The following COP1 variants were observed in gnomAD, a reference collection of about 807,000 sequenced individuals.
The protein encoded by COP1 is E3 ubiquitin-protein ligase COP1.
In COP1, 24 loss-of-function variants were observed where a neutral mutation model predicts 101.3. The observed-to-expected ratio is 0.24, with a 90% CI of 0.17 to 0.33. The LOEUF is 0.33. COP1 is among the 10% of genes least tolerant of loss of function. COP1 has a pLI of 1.00. For missense variants in COP1, 663 were observed against 906.2 expected (o/e 0.73, Z 3.45); for synonymous variants, 347 against 341.9 (o/e 1.01, Z -0.17).
chr1:176,192,160 C>A (rs1699178823), intron 1 of COP1, among the ~76,000 whole-genome samples: 1 of 152,074 alleles, frequency 6.6e-6, no homozygotes, highest in African/African-American at 2.4e-5. Flanking sequence ...AGTATCTCTG[C>A]TGATTCCTCT....
intron 9 of COP1, among the ~76,000 whole-genome samples, chr1:176,104,198 G>A (rs971519956): frequency 4.6e-5 from 7 of 152,054 alleles, no homozygotes; most frequent in Non-Finnish European, 7.4e-5. Context: ...ACTCCAAATA[G>A]ATTGAGAATT....
At chr1:176,196,782 A>G (rs1395054586) in intron 1 of COP1, among the ~76,000 whole-genome samples, 1 of 151,992 alleles carries the variant, frequency 6.6e-6, no homozygotes, top group Non-Finnish European at 1.5e-5. Context: ...GTTCATGCCT[A>G]TAATCCCAGC....
At chr1:176,002,487 C>A (rs985993061) in intron 15 of COP1, among the ~76,000 whole-genome samples, 7 of 151,132 alleles carry the variant, frequency 4.6e-5, no homozygotes, top group African/African-American at 1.7e-4. Context: ...GTATATCTCC[C>A]AATGCTATCC....
intron 9 of COP1, among the ~76,000 whole-genome samples, chr1:176,095,513 C>T (rs1682179368): frequency 6.6e-6 from 1 of 152,098 alleles, no homozygotes; most frequent in South Asian, 2.1e-4. Flanking sequence ...AACCCTGTTT[C>T]TATAAAACAC....
intron 7 of COP1, 46 bp from the exon 8 acceptor site, chr1:176,135,132 GATATATAA>G: frequency 7.8e-7 from 1 of 1,278,120 alleles, no homozygotes; most frequent in Non-Finnish European, 1.1e-6. Context: ...TCAAATAGAA[GATATATAA>G]ATCAAAAAGA....
chr1:176,118,400 A>T (rs562195085), intron 8 of COP1, among the ~76,000 whole-genome samples: 14 of 152,290 alleles, frequency 9.2e-5, no homozygotes, highest in African/African-American at 3.4e-4. Flanking sequence ...TACACGAAAG[A>T]AAGAAGTTCT....
chr1:176,178,338 CA>C lies in COP1; in HGVS notation c.468-2332del, dbSNP rs11409695. On this transcript the variant is annotated intron_variant, in intron 2 of 19. Coordinates refer to ENST00000367669, the MANE Select transcript of COP1 (RefSeq NM_022457.7). ...GCAACATGGCAAAACTCTGTCTCTA[CA>C]AAAAAAAAAAAATAATAATAATAAA... 3.8e-3 allele frequency among the ~76,000 whole-genome samples: 427 copies of C among 111,488 alleles called. 6 individuals carry two copies. The highest frequency in any genetic ancestry group is 0.011 in the African/African-American group (384 of 35,126). The allele number at this position is 111,488 out of a possible 152,430, so 73.1% of individuals were successfully genotyped here. A position where few individuals can be genotyped will look rare whatever the true frequency, so the allele number is the denominator to read the frequency against.
chr1:176,174,007 A>AAAAAAAAAAAAG (rs1456552067), intron 3 of COP1, among the ~76,000 whole-genome samples: 2,446 of 121,124 alleles, frequency 0.02, 193 homozygotes, highest in Non-Finnish European at 0.028. Flanking sequence ...AAAAAAAAAA[A>AAAAAAAAAAAAG]AGAGAATATA....
intron 11 of COP1, among the ~76,000 whole-genome samples, chr1:176,072,476 C>T (rs758568309): frequency 5.3e-5 from 8 of 152,174 alleles, no homozygotes; most frequent in Non-Finnish European, 1.2e-4. Flanking sequence ...GGAAGGAAAT[C>T]CCTCCCTCTG....
At chr1:176,120,250 A>G (rs1433576532) in intron 8 of COP1, among the ~76,000 whole-genome samples, 2 of 151,984 alleles carry the variant, frequency 1.3e-5, no homozygotes, top group African/African-American at 2.4e-5. Flanking sequence ...GTGAAACCCC[A>G]ACTCTACAAA....
intron 5 of COP1, among the ~76,000 whole-genome samples, chr1:176,150,364 T>C (rs1280476437): frequency 1.3e-5 from 2 of 152,236 alleles, no homozygotes; most frequent in African/African-American, 2.4e-5. Flanking sequence ...TACAACTGAA[T>C]AAATTTCCAA....
chr1:176,109,604 T>G (rs1684938475), intron 9 of COP1, among the ~76,000 whole-genome samples: 1 of 152,170 alleles, frequency 6.6e-6, no homozygotes, highest in African/African-American at 2.4e-5. Context: ...TAAAAAAAAC[T>G]ACTGGGATTT....
chr1:176,018,205 T>A (rs1351213343), intron 15 of COP1, among the ~76,000 whole-genome samples: 1 of 152,214 alleles, frequency 6.6e-6, no homozygotes, highest in Non-Finnish European at 1.5e-5. Flanking sequence ...CCACAATAGA[T>A]ATACAAGCAA....
chr1:176,162,289 G>GGT (rs1694456609), intron 5 of COP1, among the ~76,000 whole-genome samples: 1 of 152,046 alleles, frequency 6.6e-6, no homozygotes, highest in Non-Finnish European at 1.5e-5. Context: ...CTTATGCTAA[G>GGT]GTGTGTGTTG....
intron 1 of COP1, among the ~76,000 whole-genome samples, chr1:176,191,869 T>C (rs1207168569): frequency 1.3e-5 from 2 of 152,146 alleles, no homozygotes; most frequent in African/African-American, 4.8e-5. Context: ...ACAGGCTCTA[T>C]GAATAAGGAG....
At chr1:175,960,000 T>C (rs1475867917) in intron 18 of COP1, among the ~76,000 whole-genome samples, 2 of 152,202 alleles carry the variant, frequency 1.3e-5, no homozygotes, top group Admixed American at 1.3e-4. Context: ...TCCATTCTGT[T>C]TTAAGTGGCA....
chr1:176,177,355 AAAAAAAG>A (rs1697106636), intron 2 of COP1, among the ~76,000 whole-genome samples: 2 of 151,714 alleles, frequency 1.3e-5, no homozygotes, highest in Non-Finnish European at 2.9e-5. Flanking sequence ...ATATTAAAAA[AAAAAAAG>A]AAAAAAGAAA....
At chr1:176,194,574 G>A (rs917955261) in intron 1 of COP1, among the ~76,000 whole-genome samples, 1 of 152,092 alleles carries the variant, frequency 6.6e-6, no homozygotes, top group African/African-American at 2.4e-5. Context: ...AGAGGAGGAA[G>A]TTGCAGTGAG....
rs983515668 is a variant in COP1 at position 176,120,601 on chromosome 1, C to G, written c.969-3920G>C. ...GAAGCTTTGCTAAAAAAAGTAACAA[C>G]AATGCAGCTGTTAATTTGAGGTATC... is the stretch of plus-strand genomic sequence containing the variant. On this transcript the variant is annotated intron_variant, in intron 8 of 19. Transcript: ENST00000367669. 2.0e-5 allele frequency among the ~76,000 whole-genome samples: 3 copies of G among 152,228 alleles called. No homozygotes were observed. The South Asian group carries it at 6.2e-4, about 32-fold the overall frequency.
Sources: gnomAD v4.1 joint callset for allele counts (sites outside exome capture counted in the v4.1 genomes callset) on GRCh38, gnomAD v4.1.1 for gene constraint, MANE v1.5 for transcripts, NCBI Gene and HGNC (gene_info 2026-07-23, HGNC 2026-07-21) for gene names.